LRRC27: variants seen among roughly 807,000 people sequenced by gnomAD.
The protein encoded by LRRC27 is leucine rich repeat containing 27.
In LRRC27, 57 loss-of-function variants were observed where a neutral mutation model predicts 55.0. The observed-to-expected ratio is 1.04, with a 90% CI of 0.84 to 1.29. The LOEUF is 1.29. Among genes scored for constraint, LRRC27 ranks in the 50% most tolerant of loss-of-function variants. LRRC27 has a pLI of 0.00. For synonymous variants in LRRC27, 278 were observed against 251.9 expected, an observed-to-expected ratio of 1.10 and a Z score of -0.98; for missense variants, 721 against 651.5, an observed-to-expected ratio of 1.11 and a Z score of -1.16.
rs1348717180 is a variant in LRRC27 at position 132,380,822 on chromosome 10, T to G, written c.*5580T>G. Among the ~76,000 whole-genome samples, 1 of 152,224 alleles carries G rather than the reference T, an allele frequency of 6.6e-6. No homozygotes were observed. Among genetic ancestry groups the G allele is most frequent in the Admixed American group, 6.5e-5 (1 of 15,286 alleles). On this transcript the variant is annotated 3_prime_UTR_variant, in exon 11 of 11. Coordinates refer to ENST00000368614, the MANE Select transcript of LRRC27 (RefSeq NM_030626.3). The stretch of plus-strand genomic sequence containing the variant: ...ACATTTCAAGAAAAAGTTGAATTTC[T>G]TGATATGTTCCGTAGATTGAGGTTT...
At chr10:132,334,991 G>C (rs1166033297) in intron 2 of LRRC27, 1 of 152,210 alleles carries the variant, frequency 6.6e-6, no homozygotes, top group African/African-American at 2.4e-5. Flanking sequence ...AGTCTCTAAA[G>C]TCATAAACAG....
chr10:132,332,977 T>C (rs2066889797), intron 1 of LRRC27, among the ~76,000 whole-genome samples: 1 of 152,188 alleles, frequency 6.6e-6, no homozygotes, highest in South Asian at 2.1e-4. Context: ...AACAGGTTTT[T>C]CCCCGGTGCT....
rs1019576016 is a variant in LRRC27, at chr10:132,380,146, A to G, written c.*4904A>G. Among the ~76,000 whole-genome samples the G allele has an allele frequency of 6.6e-6, 1 of 152,176 alleles. No individual in the cohort carries two copies. The highest frequency in any genetic ancestry group is 6.5e-5 in the Admixed American group (1 of 15,288). On this transcript the variant is annotated 3_prime_UTR_variant, in exon 11 of 11. Transcript: ENST00000368614. Reference sequence around the variant, plus strand: ...ACCCCGTGACTACTAAAAATAAAAAATTAGCCAGGCATGGTGGCACATGCC... The same window carrying G: ...ACCCCGTGACTACTAAAAATAAAAAGTTAGCCAGGCATGGTGGCACATGCC...
chr10:132,378,466 T>C lies in LRRC27; in HGVS notation c.*3224T>C, dbSNP rs935287326. 3 of 152,124 alleles carry C rather than the reference T, an allele frequency of 2.0e-5. No individual in the cohort carries two copies. The highest frequency in any genetic ancestry group is 7.2e-5 in the African/African-American group (3 of 41,406). The allele number at this position is 152,124 out of a possible 1,614,324, so 9.4% of individuals were successfully genotyped here. ...CTGAGACTTCAGTTTTGTGTGTGTG[T>C]GCACATGTGTGTATGCATTCGTGCG... is the stretch of plus-strand genomic sequence containing the variant. On this transcript the variant is annotated 3_prime_UTR_variant, in exon 11 of 11. Coordinates refer to ENST00000368614, the MANE Select transcript of LRRC27 (RefSeq NM_030626.3).
Position 132,374,764 on chromosome 10 carries a change from C to T in LRRC27, c.1417-302C>T, listed in dbSNP as rs545796082. Among the ~76,000 whole-genome samples the T allele has an allele frequency of 8.5e-5, 13 of 152,338 alleles. No homozygotes were observed. Among genetic ancestry groups the T allele is most frequent in the Non-Finnish European group, 1.3e-4 (9 of 68,030 alleles). On this transcript the variant is annotated intron_variant, in intron 10 of 10. Coordinates refer to ENST00000368614, the MANE Select transcript of LRRC27 (RefSeq NM_030626.3). This position sits in a 1 kb window ranked among gnomAD's most constrained non-coding sequence, Gnocchi z 4.4. The stretch of plus-strand genomic sequence containing the variant: ...GTCTCTGTTCATCCATTGACCTGTG[C>T]AGATGCACAGGACACCTGGGTGGGG...
At chr10:132,343,805 C>G (rs931925789) in intron 4 of LRRC27, among the ~76,000 whole-genome samples, 4 of 152,256 alleles carry the variant, frequency 2.6e-5, no homozygotes, top group African/African-American at 9.6e-5. Flanking sequence ...GGAAACGCCA[C>G]AGGACTAGGG....
At chr10:132,346,583 G>A (rs1590638528) in intron 5 of LRRC27, among the ~76,000 whole-genome samples, 1 of 152,338 alleles carries the variant, frequency 6.6e-6, no homozygotes, top group South Asian at 2.1e-4. Context: ...GGCTGAGGCA[G>A]GAGAATGGTG....
At chr10:132,349,473 G>A (rs766415199) in intron 6 of LRRC27, among the ~76,000 whole-genome samples, 5 of 152,316 alleles carry the variant, frequency 3.3e-5, no homozygotes, top group African/African-American at 9.6e-5. Flanking sequence ...CAGCTACAGC[G>A]AGGCCTCGGA....
intron 3 of LRRC27, among the ~76,000 whole-genome samples, chr10:132,339,684 C>T (rs922354757): frequency 6.6e-6 from 1 of 152,192 alleles, no homozygotes; most frequent in Non-Finnish European, 1.5e-5. Context: ...CTTCTTCACA[C>T]GATCATCATC....
At chr10:132,344,096 C>T (rs1365548831) in intron 4 of LRRC27, among the ~76,000 whole-genome samples, 1 of 152,198 alleles carries the variant, frequency 6.6e-6, no homozygotes, top group Admixed American at 6.5e-5. Context: ...ACATCTGGGC[C>T]TCCTCCAAGA....
intron 3 of LRRC27, among the ~76,000 whole-genome samples, chr10:132,338,364 C>T (rs1372048715): frequency 6.6e-6 from 1 of 152,192 alleles, no homozygotes; most frequent in Admixed American, 6.5e-5. Flanking sequence ...CTGAGGGCTC[C>T]TGGGTAACCC....
chr10:132,343,278 A>G (rs2067506047), intron 4 of LRRC27, among the ~76,000 whole-genome samples: 3 of 152,198 alleles, frequency 2.0e-5, no homozygotes, highest in African/African-American at 7.2e-5. Context: ...TTGCACCACT[A>G]TACTCCAACC....
chr10:132,371,351 A>G (rs2069211816), intron 10 of LRRC27, among the ~76,000 whole-genome samples: 1 of 152,242 alleles, frequency 6.6e-6, no homozygotes, highest in Non-Finnish European at 1.5e-5. Flanking sequence ...ACCAGGGTGG[A>G]CGGGTCAGGG....
chr10:132,354,946 G>A (rs865999406), intron 7 of LRRC27, among the ~76,000 whole-genome samples: 9 of 152,316 alleles, frequency 5.9e-5, no homozygotes, highest in Admixed American at 2.0e-4. Flanking sequence ...CCAGCCACAC[G>A]CGAGGAGCCC....
intron 7 of LRRC27, among the ~76,000 whole-genome samples, chr10:132,352,711 C>T (rs949799912): frequency 6.6e-6 from 1 of 151,084 alleles, no homozygotes; most frequent in Non-Finnish European, 1.5e-5. Flanking sequence ...CGCTCGTGGT[C>T]TGCAGGGCGT....
chr10:132,337,248 T>C, intron 2 of LRRC27: 3 of 1,188,376 alleles, frequency 2.5e-6, no homozygotes, highest in Non-Finnish European at 3.1e-6. Flanking sequence ...ACACTGAGTG[T>C]GGGGCCCCGG....
At chr10:132,370,903 G>A (rs10870300) in intron 10 of LRRC27, among the ~76,000 whole-genome samples, 29,466 of 152,220 alleles carry the variant, frequency 0.19, 2,956 homozygotes, top group African/African-American at 0.24. Context: ...CCCTGCAGGT[G>A]AAGTCTCGGG....
Position 132,333,601 on chromosome 10 carries a change from G to A in LRRC27, c.77G>A (p.Ser26Asn). 4 of 1,612,684 alleles carry A rather than the reference G, an allele frequency of 2.5e-6. No individual in the cohort carries two copies. The highest frequency in any genetic ancestry group is 3.4e-6 in the Non-Finnish European group (4 of 1,180,012). Reference protein sequence around the residue: ...DLEEGAGQTRSLPATPSKDVH... With the variant: ...DLEEGAGQTRNLPATPSKDVH... ...GAGGAGGGTGCTGGTCAGACTAGGA[G>A]CTTGCCTGCCACCCCCTCCAAAGAT... Residue 26 changes from serine (S) to asparagine (N), a missense_variant, in exon 2 of 11, where the codon AGC becomes AAC. Transcript: ENST00000368614.
chr10:132,355,541 C>G (rs970232942), intron 7 of LRRC27, among the ~76,000 whole-genome samples: 13 of 152,216 alleles, frequency 8.5e-5, no homozygotes, highest in Non-Finnish European at 1.8e-4. Flanking sequence ...CGGGTTGGCC[C>G]CCAGCATCAG....
Sources: allele counts gnomAD v4.1 joint callset (sites outside exome capture counted in the v4.1 genomes callset), GRCh38; gene constraint gnomAD v4.1.1; non-coding constraint Gnocchi (gnomAD v3.1); transcripts MANE v1.5; gene names NCBI Gene and HGNC (gene_info 2026-07-23, HGNC 2026-07-21).